Variants in CDCA7L observed in about 807,000 individuals in gnomAD.
The protein encoded by CDCA7L is cell division cycle associated 7 like.
CDCA7L carries 44 observed loss-of-function variants against 57.4 expected under a neutral mutation model. The ratio of observed to expected loss-of-function variants is 0.77; its 90% CI spans 0.60 to 0.98. The LOEUF is 0.98. CDCA7L is among the 50% of genes least tolerant of loss of function. The probability of loss-of-function intolerance (pLI) is 0.00; values close to 1 mark genes in which losing one functional copy is unlikely to be tolerated. For synonymous variants in CDCA7L, 236 were observed against 202.8 expected, an observed-to-expected ratio of 1.16 and a Z score of -1.39; for missense variants, 644 against 580.6, an observed-to-expected ratio of 1.11 and a Z score of -1.12.
chr7:21,911,856 G>A (rs1402976994), intron 2 of CDCA7L, 102 bp from the exon 3 acceptor site: 4 of 1,059,858 alleles, frequency 3.8e-6, no homozygotes, highest in Non-Finnish European at 5.4e-6. Flanking sequence ...GCTTCTGATG[G>A]AGATGACGAA....
Position 21,901,375 on chromosome 7 carries a change from T to TC in CDCA7L, c.*946dup. On this transcript the variant is annotated 3_prime_UTR_variant, in exon 10 of 10. Coordinates refer to ENST00000406877, the MANE Select transcript of CDCA7L (RefSeq NM_018719.5). ...AGTAACTCACACGTGCATTCTTTTT[T>TC]CAACGCTATCCTTAGAGTGAAAGTC... 1 of 1,325,110 alleles carries TC rather than the reference T, an allele frequency of 7.5e-7. No homozygotes were observed. 82.1% of individuals were successfully genotyped at this position (1,325,110 alleles called of 1,614,324 possible). A position where few individuals can be genotyped will look rare whatever the true frequency, so the allele number is the denominator to read the frequency against.
chr7:21,934,978 A>G (rs1195601379), intron 1 of CDCA7L, among the ~76,000 whole-genome samples: 1 of 152,202 alleles, frequency 6.6e-6, no homozygotes, highest in Non-Finnish European at 1.5e-5. Context: ...AGAAACTTCA[A>G]CACCCCACTT....
intron 9 of CDCA7L, chr7:21,902,704 G>A (rs1468749483): frequency 2.2e-6 from 1 of 448,368 alleles, no homozygotes; most frequent in Admixed American, 3.7e-5. Flanking sequence ...TTGTTTGTTT[G>A]TTCCTTCCAT....
chr7:21,926,090 T>C (rs946383645), intron 1 of CDCA7L, among the ~76,000 whole-genome samples: 2 of 152,030 alleles, frequency 1.3e-5, no homozygotes, highest in Non-Finnish European at 2.9e-5. Flanking sequence ...AAAAATAAAG[T>C]AAAATTAGGG....
intron 1 of CDCA7L, among the ~76,000 whole-genome samples, chr7:21,924,372 T>G (rs114132858): frequency 0.012 from 1,833 of 152,232 alleles, 35 homozygotes; most frequent in African/African-American, 0.042. Flanking sequence ...ATTTTCCTTA[T>G]TAAGTGTTTT....
intron 9 of CDCA7L, 45 bp downstream of exon 9, chr7:21,902,933 C>G (rs778975610): frequency 1.3e-6 from 2 of 1,594,630 alleles, no homozygotes; most frequent in Non-Finnish European, 1.7e-6. Context: ...TGTGCTCAGC[C>G]TCAAGATTTC....
At chr7:21,910,030 G>C (rs1785265994) in intron 3 of CDCA7L, among the ~76,000 whole-genome samples, 1 of 152,200 alleles carries the variant, frequency 6.6e-6, no homozygotes, top group Non-Finnish European at 1.5e-5. Context: ...AATAAAATTT[G>C]CAAGGGCCTG....
intron 1 of CDCA7L, among the ~76,000 whole-genome samples, chr7:21,929,652 A>AAAAAAAAAAC (rs1785944514): frequency 6.8e-6 from 1 of 146,950 alleles, no homozygotes. Context: ...AAAAAAAAAA[A>AAAAAAAAAAC]AAAAGCAGGG....
chr7:21,941,888 C>CA (rs1384492837), intron 1 of CDCA7L, among the ~76,000 whole-genome samples: 2 of 152,044 alleles, frequency 1.3e-5, no homozygotes, highest in Non-Finnish European at 2.9e-5. Flanking sequence ...TCCTTGGGGG[C>CA]AAAAAAGGAT....
intron 9 of CDCA7L, 63 bp from the exon 10 acceptor site, chr7:21,902,415 TGAGAGATTCCACAATC>T: frequency 2.0e-6 from 3 of 1,477,450 alleles, no homozygotes; most frequent in Non-Finnish European, 2.8e-6. Flanking sequence ...ATTCTAGGCT[TGAGAGATTCCACAATC>T]ATCTAAGAGT....
intron 1 of CDCA7L, among the ~76,000 whole-genome samples, chr7:21,936,013 G>A (rs1562636942): frequency 1.3e-5 from 2 of 151,366 alleles, no homozygotes; most frequent in African/African-American, 4.9e-5. Flanking sequence ...GTCTCAAAAT[G>A]AATAAATAAA....
Position 21,916,816 on chromosome 7 carries a change from T to A in CDCA7L, c.103A>T (p.Met35Leu). 2 of 1,613,996 alleles carry A rather than the reference T, an allele frequency of 1.2e-6. No homozygotes were observed. Among genetic ancestry groups the A allele is most frequent in the Non-Finnish European group, 1.7e-6 (2 of 1,179,908 alleles). Residue 35 changes from methionine to leucine, a missense_variant, in exon 2 of 10, where the codon ATG (methionine) becomes TTG (leucine). By Grantham distance (15) the Met-to-Leu change is conservative. Coordinates refer to ENST00000406877, the MANE Select transcript of CDCA7L (RefSeq NM_018719.5). The part of the protein sequence containing the change: ...EFVGFRDDVP[M>L]ETLSSEESCD... ...CTCTCCTCTGACGAGAGGGTTTCCA[T>A]GGGAACATCATCTCGGAAGCCAACA...
chr7:21,911,278 C>T (rs933906025), intron 3 of CDCA7L, among the ~76,000 whole-genome samples: 18 of 151,854 alleles, frequency 1.2e-4, no homozygotes, highest in African/African-American at 4.1e-4. Context: ...CCACCCGCCT[C>T]GGCCTCCCAA....
At position 21,939,191 on chromosome 7, in the gene CDCA7L, G is replaced by A. The variant is rs1786266138; in HGVS notation, c.24+6590C>T. On this transcript the variant is annotated intron_variant, in intron 1 of 9. Coordinates refer to ENST00000406877, the MANE Select transcript of CDCA7L (RefSeq NM_018719.5). ...ACTAAAACAGAAGTAACCAGGGGCT[G>A]GAGGAAGAGGTCATAGGGGTAATTG... Among the ~76,000 whole-genome samples the A allele has an allele frequency of 2.0e-5, 3 of 152,158 alleles. No homozygotes were observed. In the South Asian group the frequency reaches 6.2e-4, roughly 32 times the overall value.
In CDCA7L at chr7:21,904,308, C is replaced by T. The variant is rs752125634; in HGVS notation, c.1048-49G>A. The T allele has an allele frequency of 5.3e-6, 8 of 1,509,042 alleles. No individual in the cohort carries two copies. In the East Asian group the frequency reaches 1.4e-4, roughly 26 times the overall value. 93.5% of individuals were successfully genotyped at this position (1,509,042 alleles called of 1,614,324 possible). ...GGTGAACACAGGGATATGCTGATGC[C>T]CAATGAGGCCAGATGCCACCATGTG... On this transcript the variant is annotated intron_variant, in intron 7 of 9. Coordinates refer to ENST00000406877, the MANE Select transcript of CDCA7L (RefSeq NM_018719.5).
intron 1 of CDCA7L, among the ~76,000 whole-genome samples, chr7:21,942,245 T>C (rs1375854014): frequency 6.6e-6 from 1 of 152,194 alleles, no homozygotes; most frequent in Non-Finnish European, 1.5e-5. Flanking sequence ...CTCCACACTT[T>C]ATTTCTGTGC....
At position 21,903,092 on chromosome 7, in the gene CDCA7L, C is replaced by G; in HGVS notation, c.1220G>C (p.Arg407Pro). The stretch of plus-strand genomic sequence containing the variant: ...ACAGTAGCTGCAATTGCAGATCCCA[C>G]GACAGGGGGGACACACCCAATCCTA... Reference protein sequence around the residue: ...LDPDWVCPPCRGICNCSYCRK... With the variant: ...LDPDWVCPPCPGICNCSYCRK... Residue 407 changes from arginine to proline, a missense_variant, in exon 9 of 10, where the codon CGT (arginine) becomes CCT (proline). Transcript: ENST00000406877. 3.1e-6 allele frequency: 5 copies of G among 1,613,880 alleles called. No homozygotes were observed. The highest frequency in any genetic ancestry group is 1.3e-5 in the African/African-American group (1 of 75,036).
intron 4 of CDCA7L, 62 bp downstream of exon 4, chr7:21,908,068 A>G: frequency 2.0e-6 from 3 of 1,485,888 alleles, no homozygotes; most frequent in Non-Finnish European, 2.7e-6. Context: ...TGGTTCTGGG[A>G]GCCCAGCAAC....
chr7:21,902,961 G>A lies in CDCA7L; in HGVS notation c.1334+17C>T. 9 of 1,611,288 alleles carry A rather than the reference G, an allele frequency of 5.6e-6. 2 individuals are homozygous for A. In the South Asian group the frequency reaches 7.7e-5, roughly 14 times the overall value. On this transcript the variant is annotated intron_variant, in intron 9 of 9. Transcript: ENST00000406877. ...AAGATTTCAAGCTGTTTTGTAAGCTGCTAGAGACTTACTTACCTCTCCAGA... is the reference window on the plus strand; with the variant it reads ...AAGATTTCAAGCTGTTTTGTAAGCTACTAGAGACTTACTTACCTCTCCAGA...
Sources: allele counts gnomAD v4.1 joint callset (sites outside exome capture counted in the v4.1 genomes callset), GRCh38; gene constraint gnomAD v4.1.1; transcripts MANE v1.5; gene names NCBI Gene and HGNC (gene_info 2026-07-23, HGNC 2026-07-21).